DNAJB14: variants seen among roughly 807,000 people sequenced by gnomAD.
DNAJB14 encodes the protein DnaJ heat shock protein family (Hsp40) member B14, also known as dnaJ homolog subfamily B member 14.
In DNAJB14, 22 loss-of-function variants were observed where a neutral mutation model predicts 48.4. The observed-to-expected ratio is 0.45, with a 90% confidence interval of 0.32 to 0.65. The LOEUF (loss-of-function observed/expected upper bound fraction) is 0.65, where lower values mean the gene tolerates loss of function less well. DNAJB14 is among the 30% of genes least tolerant of loss of function. The pLI, the probability that DNAJB14 is intolerant of heterozygous loss-of-function variation, is 0.03. For synonymous variants in DNAJB14, 142 were observed against 158.7 expected, an observed-to-expected ratio of 0.89 and a Z score of 0.79; for missense variants, 319 against 458.8, an observed-to-expected ratio of 0.70 and a Z score of 2.78.
At chr4:99,901,258 C>A in intron 7 of DNAJB14, 106 bp from the exon 8 acceptor site, 2 of 1,023,988 alleles carry the variant, frequency 2.0e-6, no homozygotes, top group Non-Finnish European at 2.6e-6. Flanking sequence ...TTTTGATTAA[C>A]TGACTTAAAA....
chr4:99,917,815 C>A (rs376210789), intron 3 of DNAJB14, among the ~76,000 whole-genome samples: 30 of 152,248 alleles, frequency 2.0e-4, no homozygotes, highest in Admixed American at 3.3e-4. Context: ...TCTTTCTGGC[C>A]TCTGTGGTTT....
intron 3 of DNAJB14, 72 bp downstream of exon 3, chr4:99,922,968 T>G: frequency 1.4e-6 from 2 of 1,457,316 alleles, no homozygotes; most frequent in Non-Finnish European, 1.8e-6. Flanking sequence ...AAGCAGAACT[T>G]AATATTCTGA....
intron 3 of DNAJB14, among the ~76,000 whole-genome samples, chr4:99,918,609 G>T (rs1725940963): frequency 6.6e-6 from 1 of 152,206 alleles, no homozygotes; most frequent in Admixed American, 6.5e-5. Flanking sequence ...GAAGTCCAGG[G>T]TTTTTCCCTT....
At chr4:99,924,778 C>T in intron 2 of DNAJB14, 1 of 1,609,666 alleles carries the variant, frequency 6.2e-7, no homozygotes, top group Non-Finnish European at 8.5e-7. Flanking sequence ...AGGTACAGGT[C>T]CACCATCCCA....
intron 3 of DNAJB14, among the ~76,000 whole-genome samples, chr4:99,914,663 AAAAAAT>A (rs1276889565): frequency 2.0e-5 from 3 of 151,926 alleles, no homozygotes; most frequent in Non-Finnish European, 4.4e-5. Flanking sequence ...TATATAAAAT[AAAAAAT>A]AAAAATAAAA....
Position 99,900,233 on chromosome 4 carries a change from T to C in DNAJB14, c.*795A>G, listed in dbSNP as rs2110189366. 6.6e-6 allele frequency: 1 copy of C among 152,350 alleles called. No homozygotes were observed. The highest frequency in any genetic ancestry group is 1.5e-5 in the Non-Finnish European group (1 of 67,886). The allele number at this position is 152,350 out of a possible 1,614,324, so 9.4% of individuals were successfully genotyped here. A position where few individuals can be genotyped will look rare whatever the true frequency, so the allele number is the denominator to read the frequency against. On this transcript the variant is annotated 3_prime_UTR_variant, in exon 8 of 8. Coordinates refer to ENST00000442697, the MANE Select transcript of DNAJB14 (RefSeq NM_001031723.4). ...CAAAATTTGGTGGCCTTTAAAGTAT[T>C]GGAATTTTAAATGACATAACTGCAC...
At chr4:99,928,501 C>A in intron 2 of DNAJB14, 1 of 427,730 alleles carries the variant, frequency 2.3e-6, no homozygotes, top group Non-Finnish European at 4.8e-6. Context: ...CCCACATACA[C>A]ACAAAACCAA....
chr4:99,932,326 C>T (rs1041057623), intron 1 of DNAJB14, among the ~76,000 whole-genome samples: 1 of 151,646 alleles, frequency 6.6e-6, no homozygotes, highest in African/African-American at 2.4e-5. Flanking sequence ...AGATCAAAAA[C>T]ACCGGTTAAA....
intron 1 of DNAJB14, among the ~76,000 whole-genome samples, chr4:99,936,534 C>T (rs1726683390): frequency 6.6e-6 from 1 of 152,122 alleles, no homozygotes; most frequent in East Asian, 1.9e-4. Flanking sequence ...AACAATGACA[C>T]TTCTGTAAGC....
chr4:99,902,805 A>G (rs1454338741), intron 7 of DNAJB14, among the ~76,000 whole-genome samples: 1 of 152,172 alleles, frequency 6.6e-6, no homozygotes, highest in Non-Finnish European at 1.5e-5. Flanking sequence ...ACCTTGGGCA[A>G]GTTAGTAATC....
At chr4:99,908,534 G>C (rs560383097) in intron 4 of DNAJB14, among the ~76,000 whole-genome samples, 177 bp downstream of exon 4, 2 of 152,042 alleles carry the variant, frequency 1.3e-5, no homozygotes, top group Admixed American at 1.3e-4. Context: ...AAAAAGGCAG[G>C]CTATTATAAA....
chr4:99,923,007 C>G (rs893333362), intron 3 of DNAJB14, 33 bp downstream of exon 3: 10 of 1,571,414 alleles, frequency 6.4e-6, no homozygotes, highest in Non-Finnish European at 8.6e-6. Context: ...CTAAAGACAG[C>G]TTAGTAAAAT....
intron 7 of DNAJB14, among the ~76,000 whole-genome samples, chr4:99,903,009 C>G (rs989075870): frequency 6.6e-6 from 1 of 152,112 alleles, no homozygotes; most frequent in Non-Finnish European, 1.5e-5. Flanking sequence ...GGTTACAATT[C>G]GTCAGCTAAA....
chr4:99,936,254 A>T (rs991850443), intron 1 of DNAJB14, among the ~76,000 whole-genome samples: 1 of 152,208 alleles, frequency 6.6e-6, no homozygotes. Context: ...CACATTTCTC[A>T]TTCTGTTCTG....
At chr4:99,907,136 C>A (rs1466272615) in intron 4 of DNAJB14, among the ~76,000 whole-genome samples, 1 of 152,082 alleles carries the variant, frequency 6.6e-6, no homozygotes, top group Non-Finnish European at 1.5e-5. Flanking sequence ...AAATGGCTAC[C>A]ATTGACAAAC....
chr4:99,906,013 T>C, intron 5 of DNAJB14: 3 of 1,311,788 alleles, frequency 2.3e-6, no homozygotes, highest in South Asian at 1.3e-5. Context: ...ATCAATATGC[T>C]GCAGGCTGTA....
chr4:99,934,781 G>A, intron 1 of DNAJB14, among the ~76,000 whole-genome samples: 1 of 39,270 alleles, frequency 2.5e-5, no homozygotes. Context: ...GACAGAGCAA[G>A]ACTGTCTCAA....
chr4:99,904,616 T>C (rs947401469), intron 6 of DNAJB14, among the ~76,000 whole-genome samples: 8 of 152,118 alleles, frequency 5.3e-5, no homozygotes, highest in Non-Finnish European at 1.2e-4. Context: ...TCCAAAACAC[T>C]GCTGGTCCCA....
At chr4:99,930,015 C>A (rs1726403325) in intron 2 of DNAJB14, 1 of 152,156 alleles carries the variant, frequency 6.6e-6, no homozygotes, top group Admixed American at 6.6e-5. Context: ...TAAAGATAGC[C>A]CTTCAAAAAG....
Sources: gnomAD v4.1 joint callset for allele counts (sites outside exome capture counted in the v4.1 genomes callset) on GRCh38, gnomAD v4.1.1 for gene constraint, MANE v1.5 for transcripts, NCBI Gene and HGNC (gene_info 2026-07-23, HGNC 2026-07-21) for gene names.